Variants in MYO3B observed in about 807,000 individuals in gnomAD.
MYO3B encodes myosin-IIIb.
Under a neutral mutation model 174.6 loss-of-function variants are expected in MYO3B, and 156 were observed. That is an observed-to-expected ratio of 0.89 (90% CI 0.78 to 1.02). The LOEUF is 1.02. Among genes scored for constraint, MYO3B ranks in the 50% least tolerant of loss-of-function variants. The pLI is 0.00. For missense variants in MYO3B, 1,632 were observed against 1,639.4 expected (o/e 1.00, Z 0.08); for synonymous variants, 563 against 569.1 (o/e 0.99, Z 0.15).
intron 7 of MYO3B, among the ~76,000 whole-genome samples, chr2:170,282,821 G>T (rs1218468178): frequency 6.6e-6 from 1 of 152,166 alleles, no homozygotes; most frequent in African/African-American, 2.4e-5. Context: ...ACACAGAGCT[G>T]TTGAGGGGTC....
At chr2:170,436,484 G>T (rs2105896091) in intron 22 of MYO3B, among the ~76,000 whole-genome samples, 1 of 152,270 alleles carries the variant, frequency 6.6e-6, no homozygotes, top group South Asian at 2.1e-4. Flanking sequence ...CACCAATCCT[G>T]CTTCAAAGGG....
intron 7 of MYO3B, among the ~76,000 whole-genome samples, chr2:170,304,449 TTTTTTCTTTTTTC>T (rs2093686511): frequency 6.6e-6 from 1 of 151,468 alleles, no homozygotes; most frequent in Admixed American, 6.6e-5. Context: ...CACTTTATTT[TTTTTTCTTTTTTC>T]TTTTTCTTTT....
chr2:170,649,577 A>G (rs1035607917), intron 32 of MYO3B, among the ~76,000 whole-genome samples: 1 of 149,870 alleles, frequency 6.7e-6, no homozygotes, highest in Admixed American at 6.8e-5. Context: ...CTGTAATCCC[A>G]GCACTTTAGG....
intron 7 of MYO3B, among the ~76,000 whole-genome samples, chr2:170,287,574 G>A (rs1471055348): frequency 1.3e-5 from 2 of 151,828 alleles, no homozygotes; most frequent in Admixed American, 1.3e-4. Context: ...TTTTTAAATT[G>A]TAGTATTTGG....
chr2:170,397,129 A>G (rs1330121303), intron 16 of MYO3B, among the ~76,000 whole-genome samples: 1 of 152,238 alleles, frequency 6.6e-6, no homozygotes, highest in Non-Finnish European at 1.5e-5. Flanking sequence ...GTGATTAAAC[A>G]ATGATTCTTA....
intron 1 of MYO3B, among the ~76,000 whole-genome samples, chr2:170,195,497 G>C (rs2092589191): frequency 6.6e-6 from 1 of 152,040 alleles, no homozygotes; most frequent in African/African-American, 2.4e-5. Context: ...ATCCCACTGA[G>C]AGCCACCTCC....
intron 14 of MYO3B, among the ~76,000 whole-genome samples, chr2:170,388,864 T>C: frequency 6.6e-6 from 1 of 152,344 alleles, no homozygotes; most frequent in East Asian, 1.9e-4. Flanking sequence ...CAGTAGGGAC[T>C]GGCATGAACA....
Position 170,504,316 on chromosome 2 carries a change from G to C in MYO3B, c.3370+2451G>C, listed in dbSNP as rs7584923. ...GTTCTGGCCCATAGTATTTTCTTAA[G>C]TGGTGTTGCTAAGATATGTTATATA... On this transcript the variant is annotated intron_variant, in intron 28 of 34. Coordinates refer to ENST00000408978, the MANE Select transcript of MYO3B (RefSeq NM_138995.5). 7.2e-3 allele frequency among the ~76,000 whole-genome samples: 1,100 copies of C among 152,266 alleles called. 18 individuals carry two copies. Among genetic ancestry groups the C allele is most frequent in the African/African-American group, 0.024 (1,013 of 41,560 alleles).
intron 7 of MYO3B, among the ~76,000 whole-genome samples, chr2:170,277,272 T>A (rs977755888): frequency 6.6e-6 from 1 of 152,226 alleles, no homozygotes; most frequent in African/African-American, 2.4e-5. Flanking sequence ...TAATTACTAG[T>A]GTGTTGTTAG....
intron 16 of MYO3B, among the ~76,000 whole-genome samples, chr2:170,392,863 G>GTTTTTTTTTTT (rs5836273): frequency 1.3e-5 from 2 of 150,262 alleles, no homozygotes; most frequent in Non-Finnish European, 3.0e-5. Context: ...AATACTGTGG[G>GTTTTTTTTTTT]TTTTTTTTCT....
chr2:170,597,520 G>A (rs931419192), intron 32 of MYO3B, among the ~76,000 whole-genome samples: 1 of 152,104 alleles, frequency 6.6e-6, no homozygotes, highest in African/African-American at 2.4e-5. Context: ...CCTGGATCCT[G>A]CCTATTGTCC....
chr2:170,429,202 A>T (rs2094688926), intron 22 of MYO3B, among the ~76,000 whole-genome samples: 1 of 152,184 alleles, frequency 6.6e-6, no homozygotes, highest in Admixed American at 6.5e-5. Context: ...CTCCTGCCTG[A>T]GCATTTTATT....
intron 26 of MYO3B, among the ~76,000 whole-genome samples, chr2:170,499,189 C>T (rs1316145980): frequency 2.0e-5 from 3 of 152,176 alleles, no homozygotes; most frequent in African/African-American, 4.8e-5. Context: ...CTTATAAAAC[C>T]AGCCTCTGCC....
intron 7 of MYO3B, among the ~76,000 whole-genome samples, chr2:170,251,847 T>C (rs1214400299): frequency 3.9e-5 from 6 of 152,202 alleles, no homozygotes; most frequent in Admixed American, 3.3e-4. Context: ...AAACCAGTGA[T>C]ATAATCCAGT....
rs140130051 is a variant in MYO3B, at chr2:170,288,912, A to G, written c.750-46473A>G. Among the ~76,000 whole-genome samples the G allele has an allele frequency of 3.2e-3, 485 of 152,184 alleles. 7 individuals carry two copies. Among genetic ancestry groups the G allele is most frequent in the African/African-American group, 0.011 (451 of 41,562 alleles). ...CATACTCATTTTGATGAGGGTTTTT[A>G]TATAAAGCAATGTTGAATTTTATCA... On this transcript the variant is annotated intron_variant, in intron 7 of 34. Coordinates refer to ENST00000408978, the MANE Select transcript of MYO3B (RefSeq NM_138995.5).
intron 25 of MYO3B, among the ~76,000 whole-genome samples, chr2:170,489,921 T>C (rs1489263866): frequency 6.6e-6 from 1 of 152,202 alleles, no homozygotes; most frequent in Non-Finnish European, 1.5e-5. Context: ...TTAGCCAATG[T>C]TTTGTAGTTT....
chr2:170,383,547 G>A (rs1277006085), intron 11 of MYO3B, among the ~76,000 whole-genome samples, 163 bp from the exon 12 acceptor site: 1 of 152,124 alleles, frequency 6.6e-6, no homozygotes, highest in Non-Finnish European at 1.5e-5. Context: ...AAGTATAGAA[G>A]TGAAATTTGA....
At chr2:170,299,961 A>G (rs1399256187) in intron 7 of MYO3B, among the ~76,000 whole-genome samples, 3 of 152,172 alleles carry the variant, frequency 2.0e-5, no homozygotes, top group Non-Finnish European at 4.4e-5. Flanking sequence ...GCAGTGTAAG[A>G]AAGGCCTTGG....
At chr2:170,319,406 T>G (rs1390791236) in intron 7 of MYO3B, among the ~76,000 whole-genome samples, 2 of 152,164 alleles carry the variant, frequency 1.3e-5, no homozygotes, top group Non-Finnish European at 2.9e-5. Flanking sequence ...ATTATGGATC[T>G]CATCAGATTT....
Sources: gnomAD v4.1 joint callset for allele counts (sites outside exome capture counted in the v4.1 genomes callset) on GRCh38, gnomAD v4.1.1 for gene constraint, MANE v1.5 for transcripts, NCBI Gene and HGNC (gene_info 2026-07-23, HGNC 2026-07-21) for gene names.